WWOX: variants seen among roughly 807,000 people sequenced by gnomAD.
WWOX encodes the protein WW domain containing oxidoreductase.
In WWOX, 69 loss-of-function variants were observed where a neutral mutation model predicts 46.2. The observed-to-expected ratio is 1.49, with a 90% CI of 1.23 to 1.82. The LOEUF is 1.82. WWOX is among the 40% of genes most tolerant of loss of function. The probability of loss-of-function intolerance (pLI) is 0.00; values close to 1 mark genes in which losing one functional copy is unlikely to be tolerated. For synonymous variants in WWOX, 359 were observed against 202.6 expected (o/e 1.77, Z -6.56); for missense variants, 919 against 542.6 (o/e 1.69, Z -6.89).
At chr16:78,344,903 G>C (rs1448365359) in intron 5 of WWOX, among the ~76,000 whole-genome samples, 1 of 121,082 alleles carries the variant, frequency 8.3e-6, no homozygotes, top group African/African-American at 2.8e-5. Flanking sequence ...GACTGCTTGT[G>C]TTCCATTCTT....
chr16:78,647,132 C>T (rs996996145), intron 8 of WWOX, among the ~76,000 whole-genome samples: 1 of 152,196 alleles, frequency 6.6e-6, no homozygotes, highest in Non-Finnish European at 1.5e-5. Context: ...ATCTGGAGTC[C>T]ACCATCCTGG....
At chr16:78,649,820 G>A (rs2046926006) in intron 8 of WWOX, among the ~76,000 whole-genome samples, 1 of 152,168 alleles carries the variant, frequency 6.6e-6, no homozygotes, top group Non-Finnish European at 1.5e-5. Context: ...GATTTTGCAG[G>A]TCTGATTGAT....
intron 8 of WWOX, among the ~76,000 whole-genome samples, chr16:78,799,697 C>G (rs541128653): frequency 6.6e-6 from 1 of 152,134 alleles, no homozygotes; most frequent in Non-Finnish European, 1.5e-5. Context: ...ATGCTGCCTG[C>G]TCTCTAATAT....
At chr16:78,965,532 T>A (rs182333939) in intron 8 of WWOX, among the ~76,000 whole-genome samples, 134 of 151,378 alleles carry the variant, frequency 8.9e-4, no homozygotes, top group African/African-American at 2.9e-3. Context: ...ATGGCACCAT[T>A]GCACTCCAGC....
At chr16:78,883,723 CAAAAAAAAAA>C (rs202124516) in intron 8 of WWOX, among the ~76,000 whole-genome samples, 1 of 120,058 alleles carries the variant, frequency 8.3e-6, no homozygotes, top group African/African-American at 3.1e-5. Context: ...GACTCTGTCT[CAAAAAAAAAA>C]AAGAAAAAAA....
At chr16:78,912,471 A>G (rs891392748) in intron 8 of WWOX, among the ~76,000 whole-genome samples, 2 of 151,896 alleles carry the variant, frequency 1.3e-5, no homozygotes, top group South Asian at 2.1e-4. Context: ...ACCCAAAGCC[A>G]CTAACACGGG....
chr16:78,929,154 G>C (rs1047695121), intron 8 of WWOX, among the ~76,000 whole-genome samples: 7 of 152,158 alleles, frequency 4.6e-5, no homozygotes, highest in African/African-American at 1.4e-4. Flanking sequence ...ATAAGAACAC[G>C]GTTTGGGGGT....
intron 8 of WWOX, among the ~76,000 whole-genome samples, chr16:78,950,070 A>G (rs2046027780): frequency 6.6e-6 from 1 of 152,186 alleles, no homozygotes; most frequent in Admixed American, 6.5e-5. Context: ...AATTTGGGCG[A>G]TGATACCAGA....
chr16:78,182,968 G>GA (rs1403153836), intron 5 of WWOX, among the ~76,000 whole-genome samples: 79 of 132,702 alleles, frequency 6.0e-4, no homozygotes, highest in African/African-American at 1.0e-3. Flanking sequence ...AAAAAAAAAA[G>GA]AAAGAAAGAA....
At chr16:78,406,296 A>G (rs1227665692) in intron 6 of WWOX, among the ~76,000 whole-genome samples, 1 of 91,342 alleles carries the variant, frequency 1.1e-5, no homozygotes, top group Non-Finnish European at 2.2e-5. Flanking sequence ...TACAGCATAT[A>G]AATATAAATA....
In WWOX at chr16:79,192,400, C is replaced by G. The variant is rs957454589; in HGVS notation, c.1057-19208C>G. Among the ~76,000 whole-genome samples, 6 of 152,214 alleles carry G rather than the reference C, an allele frequency of 3.9e-5. No homozygotes were observed. The South Asian group carries it at 1.0e-3, about 26-fold the overall frequency. ...AACTCATCACCCCTGTATACCAGAC[C>G]CAGTGCCAAATACTGGGGAGATGTG... On this transcript the variant is annotated intron_variant, in intron 8 of 8. Coordinates refer to ENST00000566780, the MANE Select transcript of WWOX (RefSeq NM_016373.4).
chr16:78,743,314 GA>G (rs1459359352), intron 8 of WWOX, among the ~76,000 whole-genome samples: 1 of 152,128 alleles, frequency 6.6e-6, no homozygotes, highest in Admixed American at 6.5e-5. Context: ...TGCCAATCTA[GA>G]AAGAAGACTG....
chr16:78,943,609 C>T (rs142235507), intron 8 of WWOX, among the ~76,000 whole-genome samples: 1 of 152,276 alleles, frequency 6.6e-6, no homozygotes, highest in Non-Finnish European at 1.5e-5. Flanking sequence ...AGGGCGATGG[C>T]TCCACTCTGT....
At chr16:78,566,392 T>C (rs952467537) in intron 8 of WWOX, among the ~76,000 whole-genome samples, 1 of 152,188 alleles carries the variant, frequency 6.6e-6, no homozygotes, top group African/African-American at 2.4e-5. Flanking sequence ...GAGAACATGG[T>C]ATCAGAACCA....
intron 8 of WWOX, among the ~76,000 whole-genome samples, chr16:78,644,899 A>G (rs902323732): frequency 2.0e-5 from 3 of 152,222 alleles, no homozygotes; most frequent in Non-Finnish European, 4.4e-5. Flanking sequence ...TGTTAGGAAT[A>G]TAGATAGGAA....
At chr16:78,538,026 T>C (rs979101862) in intron 8 of WWOX, among the ~76,000 whole-genome samples, 9 of 152,088 alleles carry the variant, frequency 5.9e-5, no homozygotes, top group African/African-American at 1.9e-4. Context: ...GGTTGAATTA[T>C]AGGGCAAATC....
intron 8 of WWOX, among the ~76,000 whole-genome samples, chr16:79,144,778 C>G (rs2050153979): frequency 6.6e-6 from 1 of 152,082 alleles, no homozygotes; most frequent in African/African-American, 2.4e-5. Flanking sequence ...AACTGTGGTA[C>G]AAATATATTA....
intron 8 of WWOX, among the ~76,000 whole-genome samples, chr16:79,025,016 G>A (rs147609997): frequency 1.7e-3 from 257 of 152,288 alleles, no homozygotes; most frequent in Middle Eastern, 6.8e-3. Flanking sequence ...ATGAAGCACC[G>A]CCAGGCCCAG....
At chr16:78,402,598 C>G (rs74028184) in intron 6 of WWOX, among the ~76,000 whole-genome samples, 5,812 of 152,110 alleles carry the variant, frequency 0.038, 384 homozygotes, top group African/African-American at 0.13. Flanking sequence ...AGGAGAGTTC[C>G]CTGGGACGTG....
Sources: allele counts gnomAD v4.1 joint callset (sites outside exome capture counted in the v4.1 genomes callset), GRCh38; gene constraint gnomAD v4.1.1; transcripts MANE v1.5; gene names NCBI Gene and HGNC (gene_info 2026-07-23, HGNC 2026-07-21).